DGKB: variants seen among roughly 807,000 people sequenced by gnomAD.
The protein encoded by DGKB is 90 kDa diacylglycerol kinase.
Under a neutral mutation model 114.3 loss-of-function variants are expected in DGKB, and 67 were observed. That is an observed-to-expected ratio of 0.59 (90% CI 0.48 to 0.72). The LOEUF (loss-of-function observed/expected upper bound fraction) is 0.72, where lower values mean the gene tolerates loss of function less well. Among genes scored for constraint, DGKB ranks in the 30% least tolerant of loss-of-function variants. The probability of loss-of-function intolerance (pLI) is 0.00; values close to 1 mark genes in which losing one functional copy is unlikely to be tolerated. For missense variants in DGKB, 907 were observed against 975.2 expected (o/e 0.93, Z 0.93); for synonymous variants, 398 against 323.1 (o/e 1.23, Z -2.49).
At chr7:14,779,567 A>C (rs1838759166) in intron 2 of DGKB, among the ~76,000 whole-genome samples, 1 of 152,244 alleles carries the variant, frequency 6.6e-6, no homozygotes, top group South Asian at 2.1e-4. Context: ...CAGCTAGTTT[A>C]AGCAAAATAA....
intron 25 of DGKB, among the ~76,000 whole-genome samples, chr7:14,166,916 G>A (rs907060503): frequency 6.6e-6 from 1 of 151,962 alleles, no homozygotes; most frequent in Non-Finnish European, 1.5e-5. Context: ...AAAAATATTC[G>A]TTAATCAGGC....
chr7:14,386,824 G>A (rs868059416), intron 21 of DGKB, among the ~76,000 whole-genome samples: 1 of 151,810 alleles, frequency 6.6e-6, no homozygotes, highest in Admixed American at 6.6e-5. Flanking sequence ...TGAGGAAAAA[G>A]GAAAGAGAAA....
intron 2 of DGKB, among the ~76,000 whole-genome samples, chr7:14,783,340 G>A (rs866879201): frequency 3.9e-5 from 6 of 152,092 alleles, no homozygotes; most frequent in Admixed American, 2.0e-4. Context: ...TTGTCACACC[G>A]CATAAATGAA....
chr7:14,613,157 C>T (rs75520820), intron 16 of DGKB, among the ~76,000 whole-genome samples, 183 bp downstream of exon 16: 5,439 of 151,982 alleles, frequency 0.036, 308 homozygotes, highest in African/African-American at 0.13. Context: ...TTACAAAAGG[C>T]CATTGTATTA....
At chr7:14,613,302 T>C (rs374189728) in intron 16 of DGKB, 38 bp downstream of exon 16, 191 of 1,246,126 alleles carry the variant, frequency 1.5e-4, no homozygotes, top group Middle Eastern at 7.6e-4. Flanking sequence ...TTTTTACATA[T>C]ACATGACATA....
At chr7:14,441,349 CTT>C (rs762477667) in intron 21 of DGKB, among the ~76,000 whole-genome samples, 2 of 152,004 alleles carry the variant, frequency 1.3e-5, no homozygotes, top group Non-Finnish European at 2.9e-5. Flanking sequence ...TTGTCTTCCT[CTT>C]CATATTCACA....
intron 1 of DGKB, among the ~76,000 whole-genome samples, chr7:14,912,464 G>A (rs1283598542): frequency 6.6e-6 from 1 of 151,908 alleles, no homozygotes; most frequent in Non-Finnish European, 1.5e-5. Context: ...GGGACTGGTT[G>A]GGGTAATTTA....
chr7:14,443,669 G>T (rs992421201), intron 21 of DGKB, among the ~76,000 whole-genome samples: 1 of 151,946 alleles, frequency 6.6e-6, no homozygotes, highest in Non-Finnish European at 1.5e-5. Flanking sequence ...GAACTTTAAA[G>T]GTTCTCTCAT....
intron 17 of DGKB, among the ~76,000 whole-genome samples, chr7:14,605,035 A>G (rs535150037): frequency 2.0e-5 from 3 of 152,226 alleles, no homozygotes; most frequent in Admixed American, 6.6e-5. Context: ...CAGCCAGGCA[A>G]TTCTACTCAT....
chr7:14,664,351 G>A (rs1314032754), intron 13 of DGKB, among the ~76,000 whole-genome samples: 2 of 151,902 alleles, frequency 1.3e-5, no homozygotes, highest in Non-Finnish European at 2.9e-5. Context: ...CAGTCTCCTA[G>A]TGATACTCTC....
intron 17 of DGKB, among the ~76,000 whole-genome samples, chr7:14,600,800 G>A (rs377467147): frequency 6.6e-6 from 1 of 152,210 alleles, no homozygotes; most frequent in African/African-American, 2.4e-5. Flanking sequence ...ACTGTGCAGA[G>A]TTTAAGCCCC....
intron 21 of DGKB, among the ~76,000 whole-genome samples, chr7:14,465,007 T>C (rs10263131): frequency 0.38 from 57,045 of 151,934 alleles, 11,082 homozygotes; most frequent in Admixed American, 0.48. Context: ...GGGGCGACTC[T>C]CAGTGGAAAA....
chr7:14,676,643 C>T (rs1274063238), intron 12 of DGKB, among the ~76,000 whole-genome samples: 2 of 151,942 alleles, frequency 1.3e-5, no homozygotes, highest in East Asian at 1.9e-4. Flanking sequence ...CATCATATTT[C>T]GTGGACAAGA....
rs187339855 is a variant in DGKB, at chr7:14,943,766, T to A, written c.-188+30930A>T. Reference sequence around the variant, plus strand: ...AACACAGCTATCATTAAAATTAAAATAACATATTAGTTATATTAAAAATAA... The same window carrying A: ...AACACAGCTATCATTAAAATTAAAAAAACATATTAGTTATATTAAAAATAA... On this transcript the variant is annotated intron_variant, in intron 1 of 4. Coordinates refer to the DGKB transcript ENST00000437998. Among the ~76,000 whole-genome samples the A allele has an allele frequency of 9.9e-5, 15 of 152,014 alleles. No homozygotes were observed. In the Admixed American group the frequency reaches 9.9e-4, roughly 10 times the overall value.
At chr7:14,853,727 G>C (rs1430614030) in intron 1 of DGKB, among the ~76,000 whole-genome samples, 2 of 151,622 alleles carry the variant, frequency 1.3e-5, no homozygotes, top group South Asian at 2.1e-4. Flanking sequence ...AATTAGCCGG[G>C]AGTGGTGGTG....
intron 23 of DGKB, among the ~76,000 whole-genome samples, chr7:14,228,224 A>G (rs1416766883): frequency 6.6e-6 from 1 of 152,052 alleles, no homozygotes; most frequent in Non-Finnish European, 1.5e-5. Context: ...AACACAGGGT[A>G]GAAACAGCTG....
chr7:14,508,739 A>C (rs2128970636), intron 20 of DGKB, among the ~76,000 whole-genome samples: 1 of 152,308 alleles, frequency 6.6e-6, no homozygotes, highest in African/African-American at 2.4e-5. Context: ...TTGAAAATTA[A>C]TTTGTGGTAT....
chr7:14,332,193 A>C (rs1809845109), intron 23 of DGKB, among the ~76,000 whole-genome samples: 2 of 152,140 alleles, frequency 1.3e-5, no homozygotes, highest in African/African-American at 2.4e-5. Flanking sequence ...TAAGCTTCTA[A>C]TCTGGGCTTT....
At chr7:14,555,041 T>C (rs1360500161) in intron 20 of DGKB, among the ~76,000 whole-genome samples, 1 of 152,204 alleles carries the variant, frequency 6.6e-6, no homozygotes, top group Non-Finnish European at 1.5e-5. Flanking sequence ...CTGTTCCGGA[T>C]GATAGCAATT....
Sources: allele counts gnomAD v4.1 joint callset (sites outside exome capture counted in the v4.1 genomes callset), GRCh38; gene constraint gnomAD v4.1.1; transcripts MANE v1.5; gene names NCBI Gene and HGNC (gene_info 2026-07-23, HGNC 2026-07-21).